UGT2B7: variants seen among roughly 807,000 people sequenced by gnomAD.
UGT2B7 encodes UDP glucuronosyltransferase family 2 member B7.
In UGT2B7, 51 loss-of-function variants were observed where a neutral mutation model predicts 51.9. The observed-to-expected ratio is 0.98, with a 90% CI of 0.78 to 1.24. The LOEUF (loss-of-function observed/expected upper bound fraction) is 1.24, where lower values mean the gene tolerates loss of function less well. Among genes scored for constraint, UGT2B7 ranks in the 50% most tolerant of loss-of-function variants. UGT2B7 has a pLI of 0.00. For missense variants in UGT2B7, 727 were observed against 628.4 expected (o/e 1.16, Z -1.68); for synonymous variants, 225 against 211.6 (o/e 1.06, Z -0.55).
intron 1 of UGT2B7, among the ~76,000 whole-genome samples, chr4:69,065,771 T>C (rs943792985): frequency 6.6e-6 from 1 of 152,188 alleles, no homozygotes; most frequent in Non-Finnish European, 1.5e-5. Context: ...GATTGTTTTG[T>C]AAATGAAAAA....
intron 1 of UGT2B7, among the ~76,000 whole-genome samples, chr4:69,076,622 A>G (rs1296090863): frequency 1.3e-5 from 2 of 151,894 alleles, no homozygotes; most frequent in Admixed American, 6.6e-5. Flanking sequence ...CCACTTTTTG[A>G]TAGGGTTGTT....
intron 1 of UGT2B7, among the ~76,000 whole-genome samples, chr4:69,052,545 T>TA (rs1232012376): frequency 1.6e-4 from 1 of 6,264 alleles, no homozygotes; most frequent in Non-Finnish European, 2.8e-4. Context: ...AAAGTTTGCT[T>TA]AAAAAAAAAG....
At chr4:69,079,794 T>C (rs1437314481) in intron 1 of UGT2B7, among the ~76,000 whole-genome samples, 1 of 152,120 alleles carries the variant, frequency 6.6e-6, no homozygotes, top group Non-Finnish European at 1.5e-5. Context: ...ATATACAATG[T>C]GAACATAATC....
At chr4:69,067,648 G>A (rs941390423) in intron 1 of UGT2B7, 14 of 153,592 alleles carry the variant, frequency 9.1e-5, no homozygotes, top group African/African-American at 3.4e-4. Flanking sequence ...TAACCTCATA[G>A]CATGTGTTCA....
intron 1 of UGT2B7, among the ~76,000 whole-genome samples, chr4:69,054,277 A>G (rs1718124176): frequency 1.3e-5 from 2 of 152,200 alleles, no homozygotes; most frequent in South Asian, 4.1e-4. Flanking sequence ...GGCCAAGGCC[A>G]GTGGCCTATC....
At chr4:69,062,363 G>C (rs1718365740) in intron 1 of UGT2B7, among the ~76,000 whole-genome samples, 1 of 152,336 alleles carries the variant, frequency 6.6e-6, no homozygotes, top group South Asian at 2.1e-4. Context: ...GCAGGCTTTA[G>C]ATATGGCCAT....
At chr4:69,051,933 C>T (rs1718027503) in intron 1 of UGT2B7, among the ~76,000 whole-genome samples, 1 of 152,100 alleles carries the variant, frequency 6.6e-6, no homozygotes, top group Non-Finnish European at 1.5e-5. Context: ...TGTGTGTGCC[C>T]TTTTACCTGT....
chr4:69,106,769 G>T (rs558102129), intron 3 of UGT2B7, among the ~76,000 whole-genome samples: 1 of 151,720 alleles, frequency 6.6e-6, no homozygotes, highest in Non-Finnish European at 1.5e-5. Flanking sequence ...GATATTTTTT[G>T]AGTTTTTAAT....
upstream of UGT2B7, chr4:69,096,431 T>C: frequency 6.3e-7 from 1 of 1,583,930 alleles, no homozygotes; most frequent in Non-Finnish European, 8.6e-7. Flanking sequence ...GGTTACATTT[T>C]AACTTCTTGG....
intron 1 of UGT2B7, among the ~76,000 whole-genome samples, chr4:69,053,548 G>A (rs890502702): frequency 3.9e-5 from 6 of 152,274 alleles, no homozygotes; most frequent in African/African-American, 1.4e-4. Flanking sequence ...TAGGCTGCAT[G>A]GTAACTCTTT....
intron 1 of UGT2B7, among the ~76,000 whole-genome samples, chr4:69,079,507 A>T (rs1262014248): frequency 6.6e-6 from 1 of 152,166 alleles, no homozygotes; most frequent in Admixed American, 6.6e-5. Flanking sequence ...ATACATAGTC[A>T]TATTCATTTT....
chr4:69,060,344 A>G (rs1718316985), intron 1 of UGT2B7, among the ~76,000 whole-genome samples: 1 of 152,224 alleles, frequency 6.6e-6, no homozygotes, highest in African/African-American at 2.4e-5. Context: ...CCACCCGGTG[A>G]CAAGAGAGTT....
At chr4:69,107,138 C>A in intron 3 of UGT2B7, 37 bp from the exon 4 acceptor site, 1 of 1,589,198 alleles carries the variant, frequency 6.3e-7, no homozygotes, top group Non-Finnish European at 8.6e-7. Flanking sequence ...CTTTTGAATT[C>A]CACTCATGGA....
At chr4:69,072,469 A>G (rs1349438378) in intron 1 of UGT2B7, among the ~76,000 whole-genome samples, 1 of 152,224 alleles carries the variant, frequency 6.6e-6, no homozygotes, top group Admixed American at 6.6e-5. Context: ...GATGTCAAGG[A>G]CAAATGCTTT....
chr4:69,073,430 C>T (rs1259083485), intron 1 of UGT2B7, among the ~76,000 whole-genome samples: 1 of 151,980 alleles, frequency 6.6e-6, no homozygotes, highest in African/African-American at 2.4e-5. Context: ...GGTATAGAGA[C>T]TTTATTTAAG....
chr4:69,051,452 G>A (rs1344524760), exon 1 of UGT2B7: 1 of 152,370 alleles, frequency 6.6e-6, no homozygotes, highest in East Asian at 1.9e-4. Context: ...GCCAGCCTGA[G>A]TGACATGATC....
chr4:69,059,135 G>A (rs1467068453), intron 1 of UGT2B7, among the ~76,000 whole-genome samples: 1 of 152,204 alleles, frequency 6.6e-6, no homozygotes, highest in African/African-American at 2.4e-5. Context: ...CTTCTCTTTG[G>A]GCCCTGAGAA....
intron 1 of UGT2B7, chr4:69,066,385 T>C (rs1230078053): frequency 6.6e-6 from 1 of 152,116 alleles, no homozygotes; most frequent in African/African-American, 2.4e-5. Context: ...TAGGCTCCCT[T>C]GTCTATATAG....
At chr4:69,102,002 T>C (rs1719432900) in intron 2 of UGT2B7, among the ~76,000 whole-genome samples, 1 of 152,148 alleles carries the variant, frequency 6.6e-6, no homozygotes, top group Non-Finnish European at 1.5e-5. Context: ...AGCACATCAA[T>C]TTAACAGTGT....
Sources: gnomAD v4.1 joint callset for allele counts (sites outside exome capture counted in the v4.1 genomes callset) on GRCh38, gnomAD v4.1.1 for gene constraint, MANE v1.5 for transcripts, NCBI Gene and HGNC (gene_info 2026-07-23, HGNC 2026-07-21) for gene names.